The following TNKS variants were observed in gnomAD, a reference collection of about 807,000 sequenced individuals.
TNKS encodes the protein tankyrase.
A neutral mutation model predicts 135.8 loss-of-function variants in TNKS; 72 were observed. The ratio of observed to expected loss-of-function variants is 0.53; its 90% confidence interval spans 0.44 to 0.64. The LOEUF is 0.64. Among genes scored for constraint, TNKS ranks in the 30% least tolerant of loss-of-function variants. TNKS has a pLI of 0.00. For missense variants in TNKS, 1,769 were observed against 1,674.0 expected (o/e 1.06, Z -0.99); for synonymous variants, 849 against 649.3 (o/e 1.31, Z -4.68).
intron 3 of TNKS, among the ~76,000 whole-genome samples, chr8:9,662,493 G>C (rs913165862): frequency 6.6e-6 from 1 of 152,036 alleles, no homozygotes; most frequent in South Asian, 2.1e-4. Flanking sequence ...ACTATCGCAA[G>C]GACAAAAAAC....
intron 18 of TNKS, among the ~76,000 whole-genome samples, chr8:9,748,606 G>A (rs1463555873): frequency 6.6e-6 from 1 of 152,164 alleles, no homozygotes; most frequent in Non-Finnish European, 1.5e-5. Flanking sequence ...ACTCTGGGCA[G>A]TATTATTTAA....
Position 9,759,956 on chromosome 8 carries a change from C to T in TNKS, c.3154-1560C>T, listed in dbSNP as rs538375457. ...TCGCGCCACTGCACTCCAGCCGGGG[C>T]GACAGAGCGAGACTCTGTCTCAAAA... On this transcript the variant is annotated intron_variant, in intron 20 of 26. Coordinates refer to ENST00000310430, the MANE Select transcript of TNKS (RefSeq NM_003747.3). Among the ~76,000 whole-genome samples the T allele has an allele frequency of 8.1e-5, 12 of 148,740 alleles. No homozygotes were observed. The East Asian group carries it at 2.0e-3, about 25-fold the overall frequency.
intron 2 of TNKS, among the ~76,000 whole-genome samples, chr8:9,608,204 G>A (rs1237221423): frequency 6.6e-6 from 1 of 152,140 alleles, no homozygotes; most frequent in Non-Finnish European, 1.5e-5. Context: ...GCCTCCCAAA[G>A]TGCTGGGAAT....
At chr8:9,715,446 A>G (rs895831981) in intron 11 of TNKS, among the ~76,000 whole-genome samples, 5 of 152,066 alleles carry the variant, frequency 3.3e-5, no homozygotes, top group African/African-American at 1.2e-4. Flanking sequence ...CTGTATGGAA[A>G]AGGCCACCTG....
At chr8:9,765,364 C>G (rs1289544969) in intron 23 of TNKS, among the ~76,000 whole-genome samples, 1 of 151,844 alleles carries the variant, frequency 6.6e-6, no homozygotes, top group Non-Finnish European at 1.5e-5. Context: ...AAAAAAAATA[C>G]AGATTTACAG....
intron 2 of TNKS, among the ~76,000 whole-genome samples, chr8:9,586,538 C>A (rs979317677): frequency 1.3e-5 from 2 of 152,004 alleles, no homozygotes; most frequent in African/African-American, 2.4e-5. Flanking sequence ...CCTCCTTTGC[C>A]TTGGAAAAGT....
intron 13 of TNKS, among the ~76,000 whole-genome samples, chr8:9,729,771 C>CTTTTTTTTTTTTTTTTTTTTTTTTTTT (rs763357075): frequency 1.1e-5 from 1 of 95,016 alleles, no homozygotes; most frequent in African/African-American, 4.2e-5. Flanking sequence ...ATATGATATT[C>CTTTTTTTTTTTTTTTTTTTTTTTTTTT]TTTTTTTTTT....
At chr8:9,676,932 C>T (rs1365988884) in intron 3 of TNKS, among the ~76,000 whole-genome samples, 2 of 152,094 alleles carry the variant, frequency 1.3e-5, no homozygotes, top group African/African-American at 4.8e-5. Context: ...TATTACTAGT[C>T]TTTATCTGGA....
At chr8:9,611,515 G>T (rs1799463072) in intron 2 of TNKS, among the ~76,000 whole-genome samples, 1 of 152,158 alleles carries the variant, frequency 6.6e-6, no homozygotes, top group African/African-American at 2.4e-5. Flanking sequence ...GATTTTACAA[G>T]ATAAATTTCT....
intron 2 of TNKS, 132 bp downstream of exon 2, chr8:9,580,515 C>A: frequency 5.1e-6 from 4 of 781,064 alleles, no homozygotes; most frequent in Non-Finnish European, 7.9e-6. Flanking sequence ...TCTTTTCCAT[C>A]AAAAGGTAAA....
chr8:9,735,067 C>A lies in TNKS; in HGVS notation c.2516C>A (p.Thr839Asn). The A allele has an allele frequency of 6.2e-7, 1 of 1,613,798 alleles. No individual in the cohort carries two copies. The highest frequency in any genetic ancestry group is 8.5e-7 in the Non-Finnish European group (1 of 1,179,884). Residue 839 changes from threonine (T) to asparagine (N), a missense_variant, in exon 16 of 27, where the codon ACC becomes AAC. By Grantham distance (65) the Thr-to-Asn change is moderately conservative (BLOSUM62 0). This residue lies in a region of TNKS where 722 missense variants were observed against 688.9 expected (regional missense o/e 1.05). Transcript: ENST00000310430. ...AGAGACACCCAGGGCAGAAATTCAA[C>A]CCCTCTGCACCTGGCAGGTAAGCGC... ...NCRDTQGRNS[T>N]PLHLAAGYNN...
chr8:9,582,214 A>G (rs1226866038), intron 2 of TNKS, among the ~76,000 whole-genome samples: 1 of 151,860 alleles, frequency 6.6e-6, no homozygotes, highest in Non-Finnish European at 1.5e-5. Flanking sequence ...TATATATCTT[A>G]TTTTCTGGAG....
intron 12 of TNKS, among the ~76,000 whole-genome samples, chr8:9,725,296 T>A (rs1221911401): frequency 6.6e-6 from 1 of 152,204 alleles, no homozygotes; most frequent in Middle Eastern, 3.2e-3. Flanking sequence ...ATGAGCAAGA[T>A]CTGGTTCCTT....
intron 3 of TNKS, among the ~76,000 whole-genome samples, chr8:9,675,243 A>T (rs368041458): frequency 6.6e-6 from 1 of 152,166 alleles, no homozygotes; most frequent in African/African-American, 2.4e-5. Flanking sequence ...ACCTAAATTA[A>T]TATTTTATTC....
At chr8:9,651,144 C>T (rs1414643736) in intron 3 of TNKS, among the ~76,000 whole-genome samples, 1 of 152,064 alleles carries the variant, frequency 6.6e-6, no homozygotes, top group Non-Finnish European at 1.5e-5. Flanking sequence ...GGGTTTCTTT[C>T]TGGGTCCTCT....
Position 9,680,787 on chromosome 8 carries a change from G to A in TNKS, c.1094G>A (p.Ser365Asn), listed in dbSNP as rs142382274. ...LTPLNVNCHA[S>N]DGRKSTPLHL... ...CCTCTAAATGTGAATTGCCATGCAA[G>A]TGATGGGCGAAAGGTAAGTTATTTT... Residue 365 changes from serine to asparagine, a missense_variant, in exon 5 of 27, where the codon AGT (serine) becomes AAT (asparagine). Physicochemically the swap from Ser to Asn is conservative, Grantham distance 46. Around this residue, in one of 5 missense-constraint regions of TNKS, gnomAD observed 523 missense variants for 541.0 expected, o/e 0.97. Transcript: ENST00000310430. 33 of 1,612,060 alleles carry A rather than the reference G, an allele frequency of 2.0e-5. No individual in the cohort carries two copies. Among genetic ancestry groups the A allele is most frequent in the Non-Finnish European group, 2.8e-5 (33 of 1,178,872 alleles).
intron 22 of TNKS, among the ~76,000 whole-genome samples, chr8:9,764,503 C>T (rs1332330381): frequency 6.6e-6 from 1 of 152,046 alleles, no homozygotes; most frequent in East Asian, 1.9e-4. Flanking sequence ...ACAGAAAACT[C>T]TTTCAGAACT....
intron 13 of TNKS, among the ~76,000 whole-genome samples, chr8:9,729,637 G>T (rs2128816747): frequency 6.6e-6 from 1 of 152,058 alleles, no homozygotes; most frequent in South Asian, 2.1e-4. Context: ...TGTTTGACAA[G>T]GATAACTCAC....
chr8:9,744,136 AATTAC>A, intron 17 of TNKS, among the ~76,000 whole-genome samples: 1 of 152,342 alleles, frequency 6.6e-6, no homozygotes, highest in Admixed American at 6.5e-5. Context: ...CATCAATAAA[AATTAC>A]AAGTTGCATG....
Sources: gnomAD v4.1 joint callset for allele counts (sites outside exome capture counted in the v4.1 genomes callset) on GRCh38, gnomAD v4.1.1 for gene constraint, gnomAD v4.1.1 regional missense constraint, MANE v1.5 for transcripts, NCBI Gene and HGNC (gene_info 2026-07-23, HGNC 2026-07-21) for gene names.